SUMF1: variants seen among roughly 807,000 people sequenced by gnomAD.
SUMF1 encodes the protein sulfatase modifying factor 1.
SUMF1 carries 48 observed loss-of-function variants against 47.6 expected under a neutral mutation model. The ratio of observed to expected loss-of-function variants is 1.01; its 90% CI spans 0.80 to 1.28. SUMF1 has a LOEUF of 1.28. SUMF1 is among the 50% of genes most tolerant of loss of function. SUMF1 has a pLI of 0.00. For synonymous variants in SUMF1, 230 were observed against 192.1 expected, an observed-to-expected ratio of 1.20 and a Z score of -1.63; for missense variants, 571 against 485.4, an observed-to-expected ratio of 1.18 and a Z score of -1.66.
intron 8 of SUMF1, among the ~76,000 whole-genome samples, chr3:4,263,250 T>A (rs1463922311): frequency 3.3e-5 from 5 of 152,164 alleles, no homozygotes; most frequent in Non-Finnish European, 7.3e-5. Flanking sequence ...TCACTCCTTC[T>A]GAAGATGACC....
intron 7 of SUMF1, among the ~76,000 whole-genome samples, chr3:4,406,480 GC>G (rs1165928986): frequency 6.6e-6 from 1 of 151,932 alleles, no homozygotes; most frequent in Non-Finnish European, 1.5e-5. Flanking sequence ...ACATGGTAAA[GC>G]CCCGTCTCTA....
intron 3 of SUMF1, among the ~76,000 whole-genome samples, chr3:4,435,963 T>C (rs184416680): frequency 6.6e-6 from 1 of 152,292 alleles, no homozygotes; most frequent in Admixed American, 6.5e-5. Context: ...TTTGGATAAA[T>C]ATAACAGACT....
intron 8 of SUMF1, among the ~76,000 whole-genome samples, chr3:4,256,756 T>C (rs897941988): frequency 4.6e-5 from 7 of 152,078 alleles, no homozygotes; most frequent in Non-Finnish European, 1.0e-4. Context: ...CCTAACTCAT[T>C]TGATGAGGCC....
chr3:4,096,178 G>A (rs1458201288), intron 8 of SUMF1, among the ~76,000 whole-genome samples: 1 of 152,104 alleles, frequency 6.6e-6, no homozygotes, highest in Non-Finnish European at 1.5e-5. Context: ...AGATAGTCAA[G>A]GCAGGTGATA....
intron 8 of SUMF1, among the ~76,000 whole-genome samples, chr3:4,294,190 G>A (rs1371669434): frequency 3.3e-5 from 5 of 152,090 alleles, no homozygotes; most frequent in Admixed American, 6.5e-5. Context: ...GCTGTCCATA[G>A]CTATACGTAG....
At chr3:4,289,834 A>G (rs1697706091) in intron 8 of SUMF1, among the ~76,000 whole-genome samples, 1 of 148,354 alleles carries the variant, frequency 6.7e-6, no homozygotes, top group Non-Finnish European at 1.5e-5. Flanking sequence ...AACACGCTGA[A>G]TAACTACATG....
chr3:4,464,120 C>T (rs1267003087), intron 1 of SUMF1, among the ~76,000 whole-genome samples: 2 of 152,148 alleles, frequency 1.3e-5, no homozygotes, highest in Non-Finnish European at 2.9e-5. Flanking sequence ...CATGTCACTC[C>T]CAGATCTTAA....
chr3:4,067,828 T>C (rs1695413499), intron 9 of SUMF1, among the ~76,000 whole-genome samples: 1 of 152,170 alleles, frequency 6.6e-6, no homozygotes, highest in South Asian at 2.1e-4. Flanking sequence ...GAGAGCCCTT[T>C]GGTGTCATTC....
chr3:4,327,492 T>C (rs2125124202), intron 8 of SUMF1, among the ~76,000 whole-genome samples: 1 of 152,220 alleles, frequency 6.6e-6, no homozygotes, highest in East Asian at 1.9e-4. Context: ...ACAAAAGTCG[T>C]AGGACAGTCA....
chr3:4,175,873 C>A (rs182808945), intron 8 of SUMF1, among the ~76,000 whole-genome samples: 53 of 152,106 alleles, frequency 3.5e-4, no homozygotes, highest in Non-Finnish European at 6.5e-4. Flanking sequence ...AACCATGGCA[C>A]GAGAACTTCA....
At chr3:4,323,503 T>C (rs191555661) in intron 8 of SUMF1, among the ~76,000 whole-genome samples, 1,627 of 152,248 alleles carry the variant, frequency 0.011, 18 homozygotes, top group African/African-American at 0.036. Context: ...CTAAAAAGCA[T>C]TTTAATTAGG....
At chr3:4,303,471 A>C (rs1296320354) in intron 8 of SUMF1, 2 of 1,523,252 alleles carry the variant, frequency 1.3e-6, no homozygotes, top group Non-Finnish European at 1.8e-6. Flanking sequence ...GCGTGCGGCC[A>C]GGAAAACTTG....
intron 8 of SUMF1, among the ~76,000 whole-genome samples, chr3:4,275,265 T>C (rs889552515): frequency 1.3e-5 from 2 of 152,118 alleles, no homozygotes; most frequent in African/African-American, 4.8e-5. Context: ...ATAATATGTA[T>C]TGTCTCATAT....
chr3:4,370,802 T>C (rs1397133254), intron 8 of SUMF1, among the ~76,000 whole-genome samples: 1 of 152,234 alleles, frequency 6.6e-6, no homozygotes, highest in East Asian at 1.9e-4. Flanking sequence ...TACTATGTAT[T>C]TTCTAAATTT....
intron 8 of SUMF1, among the ~76,000 whole-genome samples, chr3:4,184,188 G>C (rs1046258417): frequency 6.6e-6 from 1 of 151,860 alleles, no homozygotes; most frequent in Admixed American, 6.6e-5. Flanking sequence ...AAGTGTGGTG[G>C]CTCATGCCTG....
At chr3:4,218,999 T>C (rs1422613626) in intron 8 of SUMF1, among the ~76,000 whole-genome samples, 1 of 152,150 alleles carries the variant, frequency 6.6e-6, no homozygotes, top group East Asian at 1.9e-4. Flanking sequence ...CCAAATCCAC[T>C]GGGTAATCAA....
At chr3:4,133,123 T>A (rs182580510) in intron 8 of SUMF1, among the ~76,000 whole-genome samples, 112 of 152,258 alleles carry the variant, frequency 7.4e-4, no homozygotes, top group African/African-American at 2.6e-3. Flanking sequence ...CATGAGTACT[T>A]CCTTCTTCTT....
intron 8 of SUMF1, among the ~76,000 whole-genome samples, chr3:4,157,586 C>T (rs1447465405): frequency 1.3e-5 from 2 of 151,582 alleles, no homozygotes; most frequent in Non-Finnish European, 1.5e-5. Context: ...ACTTCTAGGT[C>T]ATCCTGCTGT....
intron 8 of SUMF1, among the ~76,000 whole-genome samples, chr3:4,342,590 T>C (rs1260986087): frequency 1.3e-5 from 2 of 152,218 alleles, no homozygotes; most frequent in Non-Finnish European, 2.9e-5. Context: ...CAGTTTTATA[T>C]GGCTGGTTTC....
Sources: allele counts gnomAD v4.1 joint callset (sites outside exome capture counted in the v4.1 genomes callset), GRCh38; gene constraint gnomAD v4.1.1; transcripts MANE v1.5; gene names NCBI Gene and HGNC (gene_info 2026-07-23, HGNC 2026-07-21).